Variants in GSG1L observed in about 807,000 individuals in gnomAD.
GSG1L encodes germ cell-specific gene 1-like protein.
GSG1L carries 24 observed loss-of-function variants against 42.1 expected under a neutral mutation model. The ratio of observed to expected loss-of-function variants is 0.57; its 90% CI spans 0.41 to 0.80. GSG1L has a LOEUF of 0.80. Ranked by LOEUF, GSG1L falls within the 30% of genes least tolerant of loss-of-function variation. The pLI is 0.00. For synonymous variants in GSG1L, 215 were observed against 203.5 expected (o/e 1.06, Z -0.48); for missense variants, 445 against 472.2 (o/e 0.94, Z 0.53).
chr16:27,811,562 G>C (rs1160993180), intron 5 of GSG1L, among the ~76,000 whole-genome samples: 3 of 152,174 alleles, frequency 2.0e-5, no homozygotes, highest in African/African-American at 7.2e-5. Context: ...TTGCATAAAG[G>C]GCTTCCAGCA....
At chr16:27,964,225 G>C (rs1351064029) in intron 1 of GSG1L, among the ~76,000 whole-genome samples, 3 of 151,878 alleles carry the variant, frequency 2.0e-5, no homozygotes, top group African/African-American at 7.3e-5. Flanking sequence ...AGCTACTCGG[G>C]AGGCTGAGGC....
At chr16:27,834,875 TG>T (rs1220360707) in intron 4 of GSG1L, among the ~76,000 whole-genome samples, 3 of 152,194 alleles carry the variant, frequency 2.0e-5, no homozygotes, top group Non-Finnish European at 4.4e-5. Flanking sequence ...CCAGCTTTTT[TG>T]TTTCATTGAT....
intron 1 of GSG1L, among the ~76,000 whole-genome samples, chr16:27,990,843 T>C (rs2085447943): frequency 2.0e-5 from 3 of 152,216 alleles, no homozygotes; most frequent in Admixed American, 2.0e-4. Context: ...ATATACCCAG[T>C]AATGGGATGG....
chr16:27,998,595 C>T (rs2141141678), intron 1 of GSG1L, among the ~76,000 whole-genome samples: 1 of 152,188 alleles, frequency 6.6e-6, no homozygotes, highest in East Asian at 1.9e-4. Flanking sequence ...CAAGGGCAGC[C>T]TGGGCAACAC....
intron 4 of GSG1L, among the ~76,000 whole-genome samples, chr16:27,841,423 C>T (rs1173942347): frequency 1.3e-5 from 2 of 152,202 alleles, no homozygotes; most frequent in Non-Finnish European, 2.9e-5. Context: ...CGGCTTTGAG[C>T]GCCTCAAAAC....
rs746620862 is a variant in GSG1L at position 27,791,321 on chromosome 16, G to A, written c.*49C>T. 1.4e-5 allele frequency: 17 copies of A among 1,199,764 alleles called. No individual in the cohort carries two copies. The highest frequency in any genetic ancestry group is 6.4e-4 in the Middle Eastern group (2 of 3,112). The allele number at this position is 1,199,764 out of a possible 1,614,324, so 74.3% of individuals were successfully genotyped here. On this transcript the variant is annotated 3_prime_UTR_variant, in exon 7 of 7. Coordinates refer to ENST00000447459, the MANE Select transcript of GSG1L (RefSeq NM_001109763.2). Reference sequence around the variant, plus strand: ...CCACTCTGGTGGTCTTGCAGCAGGGGCTGGTGCCAGCGATGGCCTGAGGTC... The same window carrying A: ...CCACTCTGGTGGTCTTGCAGCAGGGACTGGTGCCAGCGATGGCCTGAGGTC...
At chr16:27,806,899 TAGTACAG>T (rs1345516251) in intron 6 of GSG1L, among the ~76,000 whole-genome samples, 3 of 152,154 alleles carry the variant, frequency 2.0e-5, no homozygotes, top group African/African-American at 7.2e-5. Context: ...GAAAAGCCCT[TAGTACAG>T]AGTGGGATGG....
At chr16:28,009,825 G>A (rs747157295) in intron 1 of GSG1L, among the ~76,000 whole-genome samples, 1 of 152,216 alleles carries the variant, frequency 6.6e-6, no homozygotes, top group Non-Finnish European at 1.5e-5. Context: ...TGACTTAACT[G>A]CTTCAGCCCA....
chr16:28,046,388 C>A (rs2086159059), intron 1 of GSG1L, among the ~76,000 whole-genome samples: 1 of 118,520 alleles, frequency 8.4e-6, no homozygotes. Flanking sequence ...GAGTCTAGTT[C>A]TGTCACCCAG....
In GSG1L at chr16:27,807,509, G is replaced by A. The variant is rs1244870450; in HGVS notation, c.876C>T (p.Cys292=). The change falls in exon 6 of 7, where the codon TGC becomes TGT. Residue 292 remains cysteine, a synonymous_variant. Coordinates refer to ENST00000447459, the MANE Select transcript of GSG1L (RefSeq NM_001109763.2). The stretch of plus-strand genomic sequence containing the variant: ...TACGGGCAGGGTATCTCTCGTGGCG[G>A]CAGTCTAAGTGAAAGTCCTCCTCGC... The part of the protein sequence containing the change: ...DGSEEDFHLD[C]RHERYPARHQ... The A allele has an allele frequency of 2.5e-6, 4 of 1,612,888 alleles. No individual in the cohort carries two copies. In the South Asian group the frequency reaches 3.3e-5, roughly 13 times the overall value.
chr16:27,858,180 A>G (rs1186820864), intron 3 of GSG1L, among the ~76,000 whole-genome samples: 1 of 152,212 alleles, frequency 6.6e-6, no homozygotes, highest in Non-Finnish European at 1.5e-5. Flanking sequence ...CCAGGACCTA[A>G]GAAAGCTGCC....
At chr16:27,956,153 GA>G (rs1159289132) in intron 2 of GSG1L, among the ~76,000 whole-genome samples, 3 of 152,304 alleles carry the variant, frequency 2.0e-5, no homozygotes, top group Middle Eastern at 3.4e-3. Flanking sequence ...GGTTAATCTG[GA>G]AGGTTTCATG....
chr16:27,857,982 G>A lies in GSG1L; in HGVS notation c.551-12921C>T, dbSNP rs561627211. ...CACCCCCCACCAGCTCAGTCCTTCTGCCTTAGCATAGAACTGAGCCCTTTG... is the reference window on the plus strand; with the variant it reads ...CACCCCCCACCAGCTCAGTCCTTCTACCTTAGCATAGAACTGAGCCCTTTG... On this transcript the variant is annotated intron_variant, in intron 3 of 6. Coordinates refer to ENST00000447459, the MANE Select transcript of GSG1L (RefSeq NM_001109763.2). Among the ~76,000 whole-genome samples, 19 of 152,222 alleles carry A rather than the reference G, an allele frequency of 1.2e-4. No individual in the cohort carries two copies. The South Asian group carries it at 3.3e-3, about 27-fold the overall frequency.
Position 28,063,381 on chromosome 16 carries a change from A to G in GSG1L, c.44T>C (p.Leu15Pro). 7.2e-7 allele frequency: 1 copy of G among 1,385,824 alleles called. No individual in the cohort carries two copies. Among genetic ancestry groups the G allele is most frequent in the Non-Finnish European group, 9.4e-7 (1 of 1,061,164 alleles). The allele number at this position is 1,385,824 out of a possible 1,614,324, so 85.8% of individuals were successfully genotyped here. ...GGCGAACAGCAGCGCCAGCAGGTTC[A>G]GGGCCACGGCCAGGAGCGCTCGGCC... is the stretch of plus-strand genomic sequence containing the variant. ...RRGRALLAVA[L>P]NLLALLFATT... The change falls in exon 1 of 7, where the codon CTG (leucine) becomes CCG (proline). Residue 15 changes from leucine (L) to proline (P), a missense_variant. Leu to Pro is a moderately conservative substitution (Grantham distance 98). Transcript: ENST00000447459. This position sits in a 1 kb window ranked among gnomAD's most constrained non-coding sequence, Gnocchi z 5.8.
intron 3 of GSG1L, among the ~76,000 whole-genome samples, chr16:27,860,751 A>G (rs771095011): frequency 6.6e-6 from 1 of 152,196 alleles, no homozygotes; most frequent in Admixed American, 6.5e-5. Flanking sequence ...GTCCAGGGAG[A>G]CAGCAGCAGC....
chr16:27,952,873 C>T (rs1029420643), intron 2 of GSG1L, among the ~76,000 whole-genome samples: 2 of 152,326 alleles, frequency 1.3e-5, no homozygotes, highest in African/African-American at 4.8e-5. Flanking sequence ...AATTAGCACT[C>T]AGATCAAGAA....
In GSG1L at chr16:28,022,251, G is replaced by A. The variant is rs1292979612; in HGVS notation, c.349+40825C>T. On this transcript the variant is annotated intron_variant, in intron 1 of 6. Coordinates refer to ENST00000447459, the MANE Select transcript of GSG1L (RefSeq NM_001109763.2). Reference sequence around the variant, plus strand: ...CAATATTTTATTTTTGACCTCAGAGGTGATTACATGAGGTTCAATCAGGGA... The same window carrying A: ...CAATATTTTATTTTTGACCTCAGAGATGATTACATGAGGTTCAATCAGGGA... Among the ~76,000 whole-genome samples, 11 of 152,120 alleles carry A rather than the reference G, an allele frequency of 7.2e-5. No homozygotes were observed. In the East Asian group the frequency reaches 1.9e-3, roughly 27 times the overall value.
At chr16:28,016,384 G>A (rs77067491) in intron 1 of GSG1L, among the ~76,000 whole-genome samples, 5,358 of 152,282 alleles carry the variant, frequency 0.035, 300 homozygotes, top group African/African-American at 0.12. Flanking sequence ...GATGCTGAGG[G>A]TTGAAGGCTG....
chr16:28,011,661 C>T (rs1269383995), intron 1 of GSG1L, among the ~76,000 whole-genome samples: 1 of 152,184 alleles, frequency 6.6e-6, no homozygotes, highest in Non-Finnish European at 1.5e-5. Flanking sequence ...CCATCTGCCT[C>T]CTCCTTCTGT....
Sources: allele counts gnomAD v4.1 joint callset (sites outside exome capture counted in the v4.1 genomes callset), GRCh38; gene constraint gnomAD v4.1.1; non-coding constraint Gnocchi (gnomAD v3.1); transcripts MANE v1.5; gene names NCBI Gene and HGNC (gene_info 2026-07-23, HGNC 2026-07-21).